The following ARFGEF1 variants were observed in gnomAD, a reference collection of about 807,000 sequenced individuals.
ARFGEF1 encodes the protein brefeldin A-inhibited guanine nucleotide-exchange protein 1.
A neutral mutation model predicts 231.0 loss-of-function variants in ARFGEF1; 42 were observed. The ratio of observed to expected loss-of-function variants is 0.18; its 90% CI spans 0.14 to 0.24. The LOEUF (loss-of-function observed/expected upper bound fraction) is 0.24. ARFGEF1 is among the 10% of genes least tolerant of loss of function. The pLI is 1.00. For missense variants in ARFGEF1, 1,345 were observed against 2,192.0 expected, an observed-to-expected ratio of 0.61 and a Z score of 7.72; for synonymous variants, 710 against 732.3, an observed-to-expected ratio of 0.97 and a Z score of 0.49.
chr8:67,276,394 T>TA (rs2128899593), intron 8 of ARFGEF1, among the ~76,000 whole-genome samples: 1 of 152,264 alleles, frequency 6.6e-6, no homozygotes, highest in Non-Finnish European at 1.5e-5. Context: ...AAAAAACTGA[T>TA]ATATCATGCC....
chr8:67,341,238 T>C (rs1808612294), intron 1 of ARFGEF1, among the ~76,000 whole-genome samples: 1 of 152,104 alleles, frequency 6.6e-6, no homozygotes, highest in Admixed American at 6.5e-5. Context: ...TTTCTTCAGT[T>C]TGATACTTAC....
chr8:67,339,709 T>C (rs905385761), intron 1 of ARFGEF1, among the ~76,000 whole-genome samples: 1 of 135,770 alleles, frequency 7.4e-6, no homozygotes, highest in Non-Finnish European at 1.5e-5. Context: ...AGAGCTGTAG[T>C]AGGGCAGGTA....
At chr8:67,257,217 A>G (rs1373322994) in intron 17 of ARFGEF1, among the ~76,000 whole-genome samples, 16 of 151,978 alleles carry the variant, frequency 1.1e-4, no homozygotes, top group Non-Finnish European at 5.9e-5. Flanking sequence ...AGTAGTTGGG[A>G]CCACAGGCAC....
At chr8:67,190,517 G>C in intron 5 of ARFGEF1, 2 of 667,690 alleles carry the variant, frequency 3.0e-6, no homozygotes, top group Non-Finnish European at 5.4e-6. Flanking sequence ...TCACCGAACT[G>C]TGTATGTACA....
chr8:67,205,985 A>C (rs1282603345), intron 34 of ARFGEF1, among the ~76,000 whole-genome samples: 1 of 152,232 alleles, frequency 6.6e-6, no homozygotes, highest in Non-Finnish European at 1.5e-5. Context: ...GAGGGCAGCC[A>C]AGACTCCGGA....
At chr8:67,284,017 TAC>T (rs1163607346) in intron 7 of ARFGEF1, among the ~76,000 whole-genome samples, 1 of 152,078 alleles carries the variant, frequency 6.6e-6, no homozygotes, top group Non-Finnish European at 1.5e-5. Flanking sequence ...TATGAAACAA[TAC>T]AGATGTACAA....
intron 1 of ARFGEF1, among the ~76,000 whole-genome samples, chr8:67,330,830 C>T (rs1245512918): frequency 6.6e-6 from 1 of 152,164 alleles, no homozygotes; most frequent in Non-Finnish European, 1.5e-5. Flanking sequence ...TAAACAAACA[C>T]ATTCTCAATT....
chr8:67,265,695 C>T (rs1397967133), intron 14 of ARFGEF1, among the ~76,000 whole-genome samples: 1 of 152,136 alleles, frequency 6.6e-6, no homozygotes, highest in Non-Finnish European at 1.5e-5. Context: ...TTTGAGTTGT[C>T]ACATGATTAG....
At chr8:67,263,048 C>T (rs1353381104) in intron 14 of ARFGEF1, among the ~76,000 whole-genome samples, 1 of 152,196 alleles carries the variant, frequency 6.6e-6, no homozygotes, top group African/African-American at 2.4e-5. Context: ...AATTAGACCA[C>T]ACAAAACCTT....
At chr8:67,192,545 T>C (rs961499080) in intron 5 of ARFGEF1, among the ~76,000 whole-genome samples, 3 of 152,262 alleles carry the variant, frequency 2.0e-5, no homozygotes, top group Non-Finnish European at 4.4e-5. Flanking sequence ...TTAATTTTGA[T>C]GAGGTCCAAC....
At chr8:67,204,080 T>C (rs1456631622) in intron 35 of ARFGEF1, among the ~76,000 whole-genome samples, 2 of 152,182 alleles carry the variant, frequency 1.3e-5, no homozygotes, top group African/African-American at 4.8e-5. Context: ...GAACAAAACA[T>C]AGCAAACCCC....
In ARFGEF1 at chr8:67,258,293, A is replaced by G. The variant is rs746097374; in HGVS notation, c.2236-3T>C. On this transcript the variant is annotated splice_region_variant and splice_polypyrimidine_tract_variant and intron_variant, in intron 15 of 38. Transcript: ENST00000262215. ...CCCAGGAACTCACCCACTTGAGTCTAAAGTAAAAACAGAGATAGAAATTGA... is the reference window on the plus strand; with the variant it reads ...CCCAGGAACTCACCCACTTGAGTCTGAAGTAAAAACAGAGATAGAAATTGA... The G allele has an allele frequency of 2.6e-6, 4 of 1,564,738 alleles. No homozygotes were observed. The highest frequency in any genetic ancestry group is 3.5e-6 in the Non-Finnish European group (4 of 1,142,406).
chr8:67,215,206 C>T (rs990175082), intron 33 of ARFGEF1, among the ~76,000 whole-genome samples: 5 of 152,130 alleles, frequency 3.3e-5, no homozygotes, highest in African/African-American at 4.8e-5. Context: ...TGTCATCCAT[C>T]CTTAATGCAG....
chr8:67,181,931 C>T (rs1056857969), intron 5 of ARFGEF1, among the ~76,000 whole-genome samples: 10 of 152,166 alleles, frequency 6.6e-5, no homozygotes, highest in Admixed American at 5.9e-4. Flanking sequence ...AGTATCTATC[C>T]TTTGATGACT....
intron 1 of ARFGEF1, among the ~76,000 whole-genome samples, chr8:67,324,332 C>A (rs1201935528): frequency 6.6e-6 from 1 of 152,176 alleles, no homozygotes; most frequent in Admixed American, 6.6e-5. Context: ...CTTCAATGAT[C>A]TCATCCTTGC....
chr8:67,251,588 T>C lies in ARFGEF1; in HGVS notation c.2699-138A>G, dbSNP rs543501063. 53 of 817,672 alleles carry C rather than the reference T, an allele frequency of 6.5e-5. No individual in the cohort carries two copies. The South Asian group carries it at 8.6e-4, about 13-fold the overall frequency. 50.7% of individuals were successfully genotyped at this position (817,672 alleles called of 1,614,324 possible). ...GCAAGACACAAGAGATCCCATATTA[T>C]ATGATTACACTTATATGAAAAATCC... On this transcript the variant is annotated intron_variant, in intron 18 of 38. Transcript: ENST00000262215.
intron 5 of ARFGEF1, among the ~76,000 whole-genome samples, chr8:67,295,453 A>C (rs1045939929): frequency 2.6e-5 from 4 of 152,206 alleles, no homozygotes; most frequent in Non-Finnish European, 5.9e-5. Context: ...ACTGAAAAGG[A>C]CACAACATTG....
intron 6 of ARFGEF1, among the ~76,000 whole-genome samples, chr8:67,288,601 C>T (rs958938719): frequency 6.6e-6 from 1 of 152,006 alleles, no homozygotes; most frequent in Admixed American, 6.5e-5. Flanking sequence ...GGCGCGGTGG[C>T]ACACGCCTGT....
intron 5 of ARFGEF1, among the ~76,000 whole-genome samples, chr8:67,180,116 G>A (rs1454503315): frequency 6.6e-6 from 1 of 151,876 alleles, no homozygotes; most frequent in Non-Finnish European, 1.5e-5. Flanking sequence ...AACTTTAAAA[G>A]TCTTAGGAAT....
Sources: allele counts gnomAD v4.1 joint callset (sites outside exome capture counted in the v4.1 genomes callset), GRCh38; gene constraint gnomAD v4.1.1; transcripts MANE v1.5; gene names NCBI Gene and HGNC (gene_info 2026-07-23, HGNC 2026-07-21).